The following ELP4 variants were observed in gnomAD, a reference collection of about 807,000 sequenced individuals.
The protein encoded by ELP4 is elongator complex protein 4.
In ELP4, 51 loss-of-function variants were observed where a neutral mutation model predicts 48.9. The ratio of observed to expected loss-of-function variants is 1.04; its 90% CI spans 0.83 to 1.32. ELP4 has a LOEUF of 1.32. Among genes scored for constraint, ELP4 ranks in the 40% most tolerant of loss-of-function variants. ELP4 has a pLI of 0.00. For synonymous variants in ELP4, 210 were observed against 189.2 expected, an observed-to-expected ratio of 1.11 and a Z score of -0.90; for missense variants, 519 against 514.6, an observed-to-expected ratio of 1.01 and a Z score of -0.08.
intron 9 of ELP4, among the ~76,000 whole-genome samples, chr11:31,723,339 C>T (rs1308588841): frequency 6.6e-6 from 1 of 151,880 alleles, no homozygotes. Context: ...ACCACCCCCG[C>T]CCCCCGCCAC....
chr11:31,510,182 C>A (rs892437094), intron 1 of ELP4, among the ~76,000 whole-genome samples, 175 bp downstream of exon 1: 1 of 152,142 alleles, frequency 6.6e-6, no homozygotes, highest in Non-Finnish European at 1.5e-5. Flanking sequence ...GACTTCTGAG[C>A]GCTGTTAACT....
intron 3 of ELP4, among the ~76,000 whole-genome samples, chr11:31,551,912 A>G (rs1956860324): frequency 6.6e-6 from 1 of 152,220 alleles, no homozygotes; most frequent in Non-Finnish European, 1.5e-5. Flanking sequence ...ATAGGAGACT[A>G]GGTTGACACA....
intron 3 of ELP4, among the ~76,000 whole-genome samples, chr11:31,584,274 A>T (rs1957437244): frequency 6.6e-6 from 1 of 151,924 alleles, no homozygotes; most frequent in Non-Finnish European, 1.5e-5. Flanking sequence ...CACCTTGAGG[A>T]TAGGGCTGTG....
In ELP4 at chr11:31,618,677, A is replaced by G. The variant is rs146186754; in HGVS notation, c.654-8433A>G. ...CATGATTTCGTTTGTGTGAAATAATAATATGAAATATAGAGAGGCAGAAAG... is the reference window on the plus strand; with the variant it reads ...CATGATTTCGTTTGTGTGAAATAATGATATGAAATATAGAGAGGCAGAAAG... On this transcript the variant is annotated intron_variant, in intron 5 of 9. Transcript: ENST00000640961. Among the ~76,000 whole-genome samples, 445 of 152,212 alleles carry G rather than the reference A, an allele frequency of 2.9e-3. 1 individual carries two copies. Among genetic ancestry groups the G allele is most frequent in the Non-Finnish European group, 3.9e-3 (263 of 68,002 alleles).
At chr11:31,632,719 A>G (rs1316643711) in intron 7 of ELP4, 1 of 198,890 alleles carries the variant, frequency 5.0e-6, no homozygotes, top group East Asian at 1.1e-4. Context: ...AGTTTAATTT[A>G]TAAATTTTTT....
At chr11:31,621,445 G>A (rs920562779) in intron 5 of ELP4, among the ~76,000 whole-genome samples, 2 of 151,818 alleles carry the variant, frequency 1.3e-5, no homozygotes, top group African/African-American at 4.8e-5. Flanking sequence ...TTCAAAGTCA[G>A]AATGGACAAC....
intron 9 of ELP4, among the ~76,000 whole-genome samples, chr11:31,690,660 TTA>T (rs1254706834): frequency 6.6e-6 from 1 of 152,002 alleles, no homozygotes; most frequent in Admixed American, 6.6e-5. Context: ...TCTTATTTAT[TTA>T]AAGAAAATGT....
chr11:31,522,436 A>T (rs1319337941), intron 2 of ELP4, among the ~76,000 whole-genome samples: 2 of 152,174 alleles, frequency 1.3e-5, no homozygotes, highest in Non-Finnish European at 2.9e-5. Flanking sequence ...TATTTAATAC[A>T]TCTTAGACCT....
chr11:31,558,677 C>T (rs1956967219), intron 3 of ELP4, among the ~76,000 whole-genome samples: 1 of 152,152 alleles, frequency 6.6e-6, no homozygotes, highest in Non-Finnish European at 1.5e-5. Context: ...ACTTACCCTG[C>T]CTACCTTATT....
intron 9 of ELP4, among the ~76,000 whole-genome samples, chr11:31,656,458 A>C (rs74451730): frequency 0.026 from 4,028 of 152,114 alleles, 165 homozygotes; most frequent in African/African-American, 0.091. Context: ...GAAACTTATA[A>C]TTAGTTATAT....
chr11:31,614,390 G>A (rs2134017449), intron 5 of ELP4, among the ~76,000 whole-genome samples: 1 of 152,208 alleles, frequency 6.6e-6, no homozygotes, highest in Middle Eastern at 3.4e-3. Context: ...ACAGAAGCCA[G>A]CCCAAAGGAG....
At chr11:31,687,258 T>C (rs1287919271) in intron 9 of ELP4, among the ~76,000 whole-genome samples, 1 of 152,176 alleles carries the variant, frequency 6.6e-6, no homozygotes, top group Non-Finnish European at 1.5e-5. Context: ...CAGAGATGTA[T>C]ATTTGGGAAT....
At chr11:31,689,040 GC>G (rs1477730230) in intron 9 of ELP4, 1 of 152,112 alleles carries the variant, frequency 6.6e-6, no homozygotes, top group Non-Finnish European at 1.5e-5. Context: ...CACAGGGTTC[GC>G]TTTAATTCTT....
chr11:31,544,453 T>C (rs1488734781), intron 3 of ELP4, among the ~76,000 whole-genome samples: 2 of 151,488 alleles, frequency 1.3e-5, no homozygotes, highest in Non-Finnish European at 2.9e-5. Flanking sequence ...GGGGGAGGGG[T>C]GCCCGCCATT....
chr11:31,583,643 T>C (rs1218747556), intron 3 of ELP4, among the ~76,000 whole-genome samples: 2 of 152,154 alleles, frequency 1.3e-5, no homozygotes, highest in Non-Finnish European at 2.9e-5. Context: ...AACTACTGAT[T>C]TTCATTTTAA....
At chr11:31,746,639 C>CA (rs1347604732) in intron 9 of ELP4, among the ~76,000 whole-genome samples, 2 of 151,726 alleles carry the variant, frequency 1.3e-5, no homozygotes, top group Non-Finnish European at 2.9e-5. Flanking sequence ...ATCGCAAGGA[C>CA]AAAAAACCAA....
chr11:31,722,401 A>T (rs1946982399), intron 9 of ELP4, among the ~76,000 whole-genome samples: 2 of 152,328 alleles, frequency 1.3e-5, no homozygotes, highest in Admixed American at 6.5e-5. Flanking sequence ...TATACATTTT[A>T]AAATTTACAT....
chr11:31,707,847 A>T (rs1184586099), intron 9 of ELP4, among the ~76,000 whole-genome samples: 1 of 152,110 alleles, frequency 6.6e-6, no homozygotes, highest in South Asian at 2.1e-4. Flanking sequence ...CCATCATTAC[A>T]TGGCCTCTCT....
At chr11:31,569,691 A>G (rs1957164846) in intron 3 of ELP4, among the ~76,000 whole-genome samples, 1 of 152,098 alleles carries the variant, frequency 6.6e-6, no homozygotes, top group African/African-American at 2.4e-5. Flanking sequence ...ACACCACTGT[A>G]CTCCAGCCTG....
Sources: gnomAD v4.1 joint callset for allele counts (sites outside exome capture counted in the v4.1 genomes callset) on GRCh38, gnomAD v4.1.1 for gene constraint, MANE v1.5 for transcripts, NCBI Gene and HGNC (gene_info 2026-07-23, HGNC 2026-07-21) for gene names.